WDR20: variants seen among roughly 807,000 people sequenced by gnomAD.
WDR20 encodes the protein WD repeat-containing protein 20.
WDR20 carries 3 observed loss-of-function variants against 38.7 expected under a neutral mutation model. The observed-to-expected ratio is 0.08, with a 90% CI of 0.04 to 0.20. The LOEUF is 0.20. WDR20 is among the 10% of genes least tolerant of loss of function. The pLI, the probability that WDR20 is intolerant of heterozygous loss-of-function variation, is 1.00. For synonymous variants in WDR20, 298 were observed against 285.6 expected, an observed-to-expected ratio of 1.04 and a Z score of -0.44; for missense variants, 559 against 727.7, an observed-to-expected ratio of 0.77 and a Z score of 2.67.
intron 2 of WDR20, among the ~76,000 whole-genome samples, chr14:102,203,612 CT>C (rs1370967500): frequency 6.6e-6 from 1 of 152,194 alleles, no homozygotes; most frequent in Non-Finnish European, 1.5e-5. Context: ...CCCCACCCCC[CT>C]GGCCTGCTGT....
intron 2 of WDR20, among the ~76,000 whole-genome samples, chr14:102,196,358 C>G (rs961223347): frequency 6.6e-6 from 1 of 152,008 alleles, no homozygotes; most frequent in African/African-American, 2.4e-5. Context: ...TTTTATTTAC[C>G]TAGATGTTTT....
chr14:102,139,722 C>G (rs866468682), upstream of WDR20: 1 of 790,354 alleles, frequency 1.3e-6, no homozygotes, highest in Non-Finnish European at 2.0e-6. Context: ...TCGGGTGGAG[C>G]ACGCCAGGTG....
At chr14:102,150,202 G>GCTAT (rs1420811564) in intron 1 of WDR20, among the ~76,000 whole-genome samples, 2 of 152,164 alleles carry the variant, frequency 1.3e-5, no homozygotes, top group Non-Finnish European at 2.9e-5. Context: ...GCCTGGCATA[G>GCTAT]GATTACATCA....
At chr14:102,212,479 G>T, downstream of WDR20, 2 of 1,534,344 alleles carry the variant, frequency 1.3e-6, no homozygotes, top group Non-Finnish European at 8.7e-7. Context: ...ACCACTCTGT[G>T]TCCACTCTGC....
chr14:102,163,671 A>C (rs941083042), intron 1 of WDR20, among the ~76,000 whole-genome samples: 1 of 149,032 alleles, frequency 6.7e-6, no homozygotes, highest in Non-Finnish European at 1.5e-5. Flanking sequence ...GTATTCTGTT[A>C]ATAGCAGCAG....
chr14:102,193,613 T>C, intron 1 of WDR20: 1 of 1,163,936 alleles, frequency 8.6e-7, no homozygotes, highest in East Asian at 2.6e-5. Context: ...CTTCTACATG[T>C]GCAAGGTTTT....
At chr14:102,161,453 A>G (rs1008700659) in intron 1 of WDR20, among the ~76,000 whole-genome samples, 20 of 151,718 alleles carry the variant, frequency 1.3e-4, no homozygotes, top group African/African-American at 4.8e-4. Context: ...AGCTGGGACT[A>G]CAGGCTCGAG....
intron 1 of WDR20, among the ~76,000 whole-genome samples, chr14:102,141,271 T>G (rs2050998005): frequency 6.6e-6 from 1 of 152,198 alleles, no homozygotes; most frequent in African/African-American, 2.4e-5. Flanking sequence ...AAATTGTTCA[T>G]ATTGAAGAGT....
chr14:102,221,133 C>T lies in WDR20; in HGVS notation c.1693-1697C>T, dbSNP rs1370729959. Reference sequence around the variant, plus strand: ...CACCTTCCTGTGGGTGGGGCTGCCTCCTACCTGGAGCAGCACTCACCTCCA... The same window carrying T: ...CACCTTCCTGTGGGTGGGGCTGCCTTCTACCTGGAGCAGCACTCACCTCCA... On this transcript the variant is annotated intron_variant, in intron 3 of 3. Transcript: ENST00000335263. This position sits in a 1 kb window ranked among gnomAD's most constrained non-coding sequence, Gnocchi z 4.8. Among the ~76,000 whole-genome samples the T allele has an allele frequency of 6.6e-6, 1 of 152,186 alleles. No individual in the cohort carries two copies. Among genetic ancestry groups the T allele is most frequent in the African/African-American group, 2.4e-5 (1 of 41,434 alleles).
In WDR20 at chr14:102,145,982, C is replaced by T. The variant is rs185249974; in HGVS notation, c.249+5810C>T. Among the ~76,000 whole-genome samples, 119 of 150,678 alleles carry T rather than the reference C, an allele frequency of 7.9e-4. 1 individual carries two copies. Among genetic ancestry groups the T allele is most frequent in the African/African-American group, 2.6e-3 (106 of 40,918 alleles). Reference sequence around the variant, plus strand: ...TCTCTAAAGCTTATATGATTCTGTACTCAGTTGTTTTTTTTTTTTTTAAAT... The same window carrying T: ...TCTCTAAAGCTTATATGATTCTGTATTCAGTTGTTTTTTTTTTTTTTAAAT... On this transcript the variant is annotated intron_variant, in intron 1 of 2. Transcript: ENST00000342702.
intron 1 of WDR20, among the ~76,000 whole-genome samples, chr14:102,168,201 T>G (rs2060127647): frequency 1.3e-5 from 2 of 152,194 alleles, no homozygotes; most frequent in African/African-American, 4.8e-5. Flanking sequence ...CTGCCTAGTT[T>G]AGGAGCTTTT....
intron 1 of WDR20, among the ~76,000 whole-genome samples, chr14:102,170,492 G>A (rs761246838): frequency 1.3e-5 from 2 of 152,028 alleles, no homozygotes; most frequent in Admixed American, 6.5e-5. Flanking sequence ...ATGAAAGATG[G>A]TATAACACTA....
At chr14:102,183,847 A>G (rs1004397128) in intron 1 of WDR20, among the ~76,000 whole-genome samples, 3 of 152,246 alleles carry the variant, frequency 2.0e-5, no homozygotes, top group Non-Finnish European at 4.4e-5. Flanking sequence ...TAGAACAACA[A>G]CAGTGTAGTA....
At position 102,191,845 on chromosome 14, in the gene WDR20, C is replaced by CA. The variant is rs568761672; in HGVS notation, c.250-3092dup. 2.0e-5 allele frequency among the ~76,000 whole-genome samples: 3 copies of CA among 152,272 alleles called. No homozygotes were observed. The South Asian group carries it at 6.2e-4, about 32-fold the overall frequency. Reference sequence around the variant, plus strand: ...TTTGTGTCTTCTAGACAGTGCCACTCACACTAGTGTTGACAGATCAACTTT... The same window carrying CA: ...TTTGTGTCTTCTAGACAGTGCCACTCAACACTAGTGTTGACAGATCAACTTT... On this transcript the variant is annotated intron_variant, in intron 1 of 2. Coordinates refer to ENST00000342702, the MANE Select transcript of WDR20 (RefSeq NM_144574.4).
intron 1 of WDR20, among the ~76,000 whole-genome samples, chr14:102,173,706 AGT>A (rs770634990): frequency 1.3e-5 from 2 of 151,724 alleles, no homozygotes; most frequent in Non-Finnish European, 1.5e-5. Context: ...CCCACTTACA[AGT>A]GAGAACGTAT....
chr14:102,215,458 C>T (rs540803530), downstream of WDR20, among the ~76,000 whole-genome samples: 88 of 152,088 alleles, frequency 5.8e-4, no homozygotes, highest in African/African-American at 2.0e-3. Context: ...AGGCTGCTTG[C>T]TTTTTTTTAT....
intron 1 of WDR20, among the ~76,000 whole-genome samples, chr14:102,156,739 G>A (rs967015410): frequency 6.6e-6 from 1 of 152,000 alleles, no homozygotes; most frequent in Admixed American, 6.6e-5. Context: ...GCTCATGCCT[G>A]TAATCCTAGC....
At chr14:102,140,864 T>C (rs1470424349) in intron 1 of WDR20, among the ~76,000 whole-genome samples, 1 of 152,230 alleles carries the variant, frequency 6.6e-6, no homozygotes, top group African/African-American at 2.4e-5. Context: ...AGTACTACAG[T>C]TGAAATGATG....
chr14:102,212,950 C>T (rs59818505), downstream of WDR20: 1,673 of 1,029,778 alleles, frequency 1.6e-3, 16 homozygotes, highest in African/African-American at 0.026. Context: ...CCAGCGTGTA[C>T]CAAACCACAG....
Sources: allele counts gnomAD v4.1 joint callset (sites outside exome capture counted in the v4.1 genomes callset), GRCh38; gene constraint gnomAD v4.1.1; non-coding constraint Gnocchi (gnomAD v3.1); transcripts MANE v1.5; gene names NCBI Gene and HGNC (gene_info 2026-07-23, HGNC 2026-07-21).